The following GHR variants were observed in gnomAD, a reference collection of about 807,000 sequenced individuals.
The protein encoded by GHR is growth hormone receptor.
Under a neutral mutation model 67.1 loss-of-function variants are expected in GHR, and 35 were observed. That is an observed-to-expected ratio of 0.52 (90% CI 0.40 to 0.69). The LOEUF is 0.69. Among genes scored for constraint, GHR ranks in the 30% least tolerant of loss-of-function variants. The probability of loss-of-function intolerance (pLI) is 0.00; values close to 1 mark genes in which losing one functional copy is unlikely to be tolerated. For synonymous variants in GHR, 272 were observed against 269.1 expected, an observed-to-expected ratio of 1.01 and a Z score of -0.10; for missense variants, 792 against 764.6, an observed-to-expected ratio of 1.04 and a Z score of -0.42.
intron 1 of GHR, among the ~76,000 whole-genome samples, chr5:42,463,215 G>A (rs1445713827): frequency 1.3e-5 from 2 of 152,146 alleles, no homozygotes; most frequent in East Asian, 3.8e-4. Context: ...AATAAGCAGA[G>A]TTTTCTTAGG....
Position 42,688,941 on chromosome 5 carries a change from CT to C in GHR, c.193del (p.Ser65HisfsTer15). ...AAGTGCCGTTCACCTGAGCGAGAGA[CT>C]TTTTCATGCCACTGGACAGATGAGG... is the stretch of plus-strand genomic sequence containing the variant. ...FTKCRSPERE[T>X]FSCHWTDEVH... On this transcript the variant is annotated frameshift_variant, in exon 4 of 10. Coordinates refer to ENST00000230882, the MANE Select transcript of GHR (RefSeq NM_000163.5). LOFTEE classifies it high-confidence loss of function. 6.2e-7 allele frequency: 1 copy of C among 1,613,296 alleles called. No individual in the cohort carries two copies. The highest frequency in any genetic ancestry group is 8.5e-7 in the Non-Finnish European group (1 of 1,179,252).
chr5:42,640,370 G>T (rs1038171538), intron 3 of GHR, among the ~76,000 whole-genome samples: 1 of 152,120 alleles, frequency 6.6e-6, no homozygotes, highest in African/African-American at 2.4e-5. Context: ...TGTGAGGAGC[G>T]AGTAGGAACA....
At chr5:42,647,547 C>T in intron 3 of GHR, 1 of 359,506 alleles carries the variant, frequency 2.8e-6, no homozygotes, top group East Asian at 8.9e-5. Flanking sequence ...GCACTCCAGC[C>T]TGGGCGACAG....
At chr5:42,498,189 T>C (rs1387102482) in intron 1 of GHR, among the ~76,000 whole-genome samples, 1 of 152,184 alleles carries the variant, frequency 6.6e-6, no homozygotes, top group East Asian at 1.9e-4. Context: ...AGGGAATCTC[T>C]TTCATATGCC....
chr5:42,591,308 T>G (rs1179186896), intron 2 of GHR, among the ~76,000 whole-genome samples: 2 of 152,238 alleles, frequency 1.3e-5, no homozygotes, highest in Admixed American at 1.3e-4. Flanking sequence ...GTTCAAGAAG[T>G]GAACTTTTGA....
rs1426333907 is a variant in GHR, at chr5:42,637,939, T to G, written c.136+8836T>G. Reference sequence around the variant, plus strand: ...CCCACCAGCAGCTATAATATGGTTGTTTGTTTGTTTGTTTGTTTGAGACGG... The same window carrying G: ...CCCACCAGCAGCTATAATATGGTTGGTTGTTTGTTTGTTTGTTTGAGACGG... On this transcript the variant is annotated intron_variant, in intron 3 of 9. Transcript: ENST00000230882. Among the ~76,000 whole-genome samples the G allele has an allele frequency of 2.0e-5, 3 of 151,738 alleles. No individual in the cohort carries two copies. In the South Asian group the frequency reaches 6.2e-4, roughly 32 times the overall value.
intron 1 of GHR, among the ~76,000 whole-genome samples, chr5:42,560,245 G>A (rs1315841778): frequency 2.0e-5 from 3 of 152,192 alleles, no homozygotes; most frequent in Non-Finnish European, 4.4e-5. Context: ...CCAGGCTGGA[G>A]TGCAAGGGCA....
chr5:42,494,931 G>A (rs970774319), intron 1 of GHR, among the ~76,000 whole-genome samples: 3 of 152,026 alleles, frequency 2.0e-5, no homozygotes, highest in East Asian at 3.9e-4. Context: ...TTCCAATTTA[G>A]CATCCCCCTT....
chr5:42,709,139 T>A (rs912809862), intron 6 of GHR, among the ~76,000 whole-genome samples: 2 of 151,738 alleles, frequency 1.3e-5, no homozygotes, highest in Admixed American at 1.3e-4. Flanking sequence ...AGCAGTGTGC[T>A]TTTTTTTCTC....
At chr5:42,612,984 T>C (rs1426501031) in intron 2 of GHR, among the ~76,000 whole-genome samples, 2 of 152,112 alleles carry the variant, frequency 1.3e-5, no homozygotes, top group Non-Finnish European at 2.9e-5. Flanking sequence ...CACTTACTCA[T>C]AAAATGCTGG....
At chr5:42,712,359 G>C (rs79064299) in intron 7 of GHR, among the ~76,000 whole-genome samples, 1 of 151,654 alleles carries the variant, frequency 6.6e-6, no homozygotes, top group Non-Finnish European at 1.5e-5. Flanking sequence ...CTTAAGCTTA[G>C]TGTAGTGGCA....
intron 1 of GHR, among the ~76,000 whole-genome samples, chr5:42,561,103 A>C (rs1282021893): frequency 6.6e-6 from 1 of 152,232 alleles, no homozygotes; most frequent in Non-Finnish European, 1.5e-5. Context: ...CTCAGAATTC[A>C]TACTCATATC....
intron 1 of GHR, among the ~76,000 whole-genome samples, chr5:42,531,203 G>A (rs1747950984): frequency 6.6e-6 from 1 of 151,868 alleles, no homozygotes. Context: ...GGTGATGGAG[G>A]TTGCAGTGAG....
At chr5:42,650,147 GTACT>G (rs547770002) in intron 3 of GHR, among the ~76,000 whole-genome samples, 147 of 152,264 alleles carry the variant, frequency 9.7e-4, no homozygotes, top group African/African-American at 3.4e-3. Flanking sequence ...TGGATCTTAA[GTACT>G]TAAAATCTAC....
At chr5:42,542,825 C>T (rs1234984163) in intron 1 of GHR, among the ~76,000 whole-genome samples, 1 of 152,032 alleles carries the variant, frequency 6.6e-6, no homozygotes, top group African/African-American at 2.4e-5. Flanking sequence ...CATTATATCA[C>T]TCTGTATGCC....
At chr5:42,450,979 G>A (rs1486877538) in intron 1 of GHR, among the ~76,000 whole-genome samples, 1 of 152,122 alleles carries the variant, frequency 6.6e-6, no homozygotes, top group Non-Finnish European at 1.5e-5. Flanking sequence ...TTATTCCGCA[G>A]TTGTCTGAGA....
At chr5:42,611,620 A>G (rs1346171431) in intron 2 of GHR, among the ~76,000 whole-genome samples, 1 of 152,178 alleles carries the variant, frequency 6.6e-6, no homozygotes, top group Non-Finnish European at 1.5e-5. Flanking sequence ...TACACAGGTC[A>G]ATGGACAGTG....
chr5:42,535,634 A>T (rs1748223321), intron 1 of GHR, among the ~76,000 whole-genome samples: 1 of 152,064 alleles, frequency 6.6e-6, no homozygotes, highest in Admixed American at 6.6e-5. Flanking sequence ...TGCTTTGGAT[A>T]TGCAGGCTCT....
At chr5:42,521,061 A>G (rs758613694) in intron 1 of GHR, among the ~76,000 whole-genome samples, 8 of 152,122 alleles carry the variant, frequency 5.3e-5, no homozygotes, top group Non-Finnish European at 8.8e-5. Flanking sequence ...AACCTTTACC[A>G]CTGGTCTTGA....
Sources: allele counts gnomAD v4.1 joint callset (sites outside exome capture counted in the v4.1 genomes callset), GRCh38; gene constraint gnomAD v4.1.1; transcripts MANE v1.5; gene names NCBI Gene and HGNC (gene_info 2026-07-23, HGNC 2026-07-21).